The following MYO5B variants were observed in gnomAD, a reference collection of about 807,000 sequenced individuals.
MYO5B encodes the protein myosin VB.
In MYO5B, 143 loss-of-function variants were observed where a neutral mutation model predicts 229.3. The observed-to-expected ratio is 0.62, with a 90% CI of 0.54 to 0.72. The LOEUF is 0.72. MYO5B is among the 30% of genes least tolerant of loss of function. The probability of loss-of-function intolerance (pLI) is 0.00; values close to 1 mark genes in which losing one functional copy is unlikely to be tolerated. For synonymous variants in MYO5B, 918 were observed against 885.2 expected, an observed-to-expected ratio of 1.04 and a Z score of -0.66; for missense variants, 2,321 against 2,331.0, an observed-to-expected ratio of 1.00 and a Z score of 0.09.
At chr18:49,841,235 G>T in intron 35 of MYO5B, 130 bp downstream of exon 35, 2 of 839,838 alleles carry the variant, frequency 2.4e-6, no homozygotes, top group Non-Finnish European at 2.0e-6. Context: ...GCATGATAAG[G>T]TGTGCCCACG....
intron 1 of MYO5B, among the ~76,000 whole-genome samples, chr18:50,168,479 G>A (rs192697787): frequency 1.4e-3 from 219 of 152,338 alleles, no homozygotes; most frequent in Non-Finnish European, 2.3e-3. Context: ...CCCCTGTCAG[G>A]GGGCCCTTTT....
At chr18:50,189,226 G>C (rs1171492098) in intron 1 of MYO5B, among the ~76,000 whole-genome samples, 1 of 152,128 alleles carries the variant, frequency 6.6e-6, no homozygotes, top group Non-Finnish European at 1.5e-5. Context: ...CCTGAGACAA[G>C]GATTCCTGCT....
chr18:50,044,145 G>T (rs2030153485), intron 2 of MYO5B, among the ~76,000 whole-genome samples: 1 of 152,138 alleles, frequency 6.6e-6, no homozygotes, highest in South Asian at 2.1e-4. Context: ...CTGATAAGGA[G>T]TAAAAATGCC....
intron 1 of MYO5B, among the ~76,000 whole-genome samples, chr18:50,141,867 C>A (rs1210133695): frequency 6.6e-6 from 1 of 152,178 alleles, no homozygotes; most frequent in East Asian, 1.9e-4. Context: ...TTCCCTGCCT[C>A]ACCTCTCTCT....
At chr18:50,015,079 T>C (rs556291614) in intron 4 of MYO5B, among the ~76,000 whole-genome samples, 1 of 152,318 alleles carries the variant, frequency 6.6e-6, no homozygotes, top group East Asian at 1.9e-4. Context: ...TAGAAGTTTG[T>C]ACAGACAGAA....
At position 49,937,320 on chromosome 18, in the gene MYO5B, C is replaced by T. The variant is rs533990456; in HGVS notation, c.1830G>A (p.Ser610=). The part of the protein sequence containing the change: ...PATTPGKGSS[S]KISVRSARPP... ...GTCTGGCAGAACGGACGCTGATCTT[C>T]GAAGATGACCCCTTCCCAGGGGTGG... Residue 610 remains serine (S), a synonymous_variant, in exon 15 of 40, where the codon TCG becomes TCA. Transcript: ENST00000285039. 140 of 1,614,128 alleles carry T rather than the reference C, an allele frequency of 8.7e-5. No homozygotes were observed. In the Middle Eastern group the frequency reaches 1.2e-3, roughly 13 times the overall value.
At chr18:50,051,555 G>C (rs969090040) in intron 2 of MYO5B, among the ~76,000 whole-genome samples, 1 of 152,236 alleles carries the variant, frequency 6.6e-6, no homozygotes, top group Non-Finnish European at 1.5e-5. Flanking sequence ...TCCAGGCAGA[G>C]CATGCAGAAG....
chr18:50,174,545 A>G (rs1157642232), intron 1 of MYO5B, among the ~76,000 whole-genome samples: 1 of 152,170 alleles, frequency 6.6e-6, no homozygotes, highest in East Asian at 1.9e-4. Flanking sequence ...TCTTGTGACA[A>G]GAAAAGGACA....
At chr18:49,834,994 A>G (rs1490752788) in intron 39 of MYO5B, among the ~76,000 whole-genome samples, 1 of 152,158 alleles carries the variant, frequency 6.6e-6, no homozygotes, top group African/African-American at 2.4e-5. Context: ...TTTAAAGAAC[A>G]TTTCTTAGTT....
In MYO5B at chr18:49,973,759, T is replaced by G. The variant is rs760790778; in HGVS notation, c.1322+591A>C. 5.6e-4 allele frequency among the ~76,000 whole-genome samples: 85 copies of G among 152,318 alleles called. 1 individual carries two copies. Among genetic ancestry groups the G allele is most frequent in the Middle Eastern group, 3.4e-3 (1 of 294 alleles). The stretch of plus-strand genomic sequence containing the variant: ...TCCCGATGGCTAGGCAAGTACACTT[T>G]CACCACACCACGGTGGCTCTCCCTG... On this transcript the variant is annotated intron_variant, in intron 10 of 39. Coordinates refer to ENST00000285039, the MANE Select transcript of MYO5B (RefSeq NM_001080467.3).
At chr18:50,091,091 C>T (rs910682187) in intron 1 of MYO5B, among the ~76,000 whole-genome samples, 2 of 152,156 alleles carry the variant, frequency 1.3e-5, no homozygotes, top group Admixed American at 6.5e-5. Flanking sequence ...TTAGTGGAGG[C>T]CCCACCTGAA....
intron 14 of MYO5B, among the ~76,000 whole-genome samples, chr18:49,944,616 A>G (rs1374965919): frequency 2.0e-5 from 3 of 151,974 alleles, no homozygotes; most frequent in Non-Finnish European, 4.4e-5. Context: ...CTAGATTTTA[A>G]CTTGCTCATT....
chr18:49,855,692 A>T (rs1042655094), intron 30 of MYO5B, among the ~76,000 whole-genome samples: 1 of 152,244 alleles, frequency 6.6e-6, no homozygotes, highest in African/African-American at 2.4e-5. Flanking sequence ...ATTCACAAGG[A>T]AACAGACCCA....
At chr18:49,906,146 T>G (rs2024896070) in intron 19 of MYO5B, among the ~76,000 whole-genome samples, 1 of 152,152 alleles carries the variant, frequency 6.6e-6, no homozygotes. Flanking sequence ...GGGAAATGGT[T>G]GGTTTGTGGC....
At chr18:50,192,964 G>T (rs1448615549) in intron 1 of MYO5B, among the ~76,000 whole-genome samples, 1 of 151,746 alleles carries the variant, frequency 6.6e-6, no homozygotes, top group Non-Finnish European at 1.5e-5. Context: ...ATTCAATATT[G>T]CCTGACAAAG....
At chr18:49,919,832 G>GA (rs778197065) in intron 17 of MYO5B, among the ~76,000 whole-genome samples, 5 of 152,096 alleles carry the variant, frequency 3.3e-5, no homozygotes, top group Non-Finnish European at 5.9e-5. Flanking sequence ...ACCCTCAAGA[G>GA]AAAAAATGTG....
chr18:49,986,364 GGA>G (rs1424121102), intron 7 of MYO5B, among the ~76,000 whole-genome samples: 1 of 152,192 alleles, frequency 6.6e-6, no homozygotes, highest in African/African-American at 2.4e-5. Context: ...GGCCAGGCAA[GGA>G]GAGACAGAAC....
At chr18:49,929,447 T>C in intron 17 of MYO5B, 65 bp downstream of exon 17, 2 of 1,388,622 alleles carry the variant, frequency 1.4e-6, no homozygotes, top group Non-Finnish European at 2.0e-6. Flanking sequence ...GAGGGCTCCC[T>C]GGGGAACCAA....
chr18:49,893,724 C>G (rs2024743967), intron 22 of MYO5B, among the ~76,000 whole-genome samples: 1 of 152,202 alleles, frequency 6.6e-6, no homozygotes, highest in South Asian at 2.1e-4. Flanking sequence ...TGGGTGAAGG[C>G]AGGAGCTGAT....
Sources: allele counts gnomAD v4.1 joint callset (sites outside exome capture counted in the v4.1 genomes callset), GRCh38; gene constraint gnomAD v4.1.1; transcripts MANE v1.5; gene names NCBI Gene and HGNC (gene_info 2026-07-23, HGNC 2026-07-21).